VWDE: variants seen among roughly 807,000 people sequenced by gnomAD.
VWDE encodes the protein von Willebrand factor D and EGF domains, also known as von Willebrand factor D and EGF domain-containing protein.
In VWDE, 207 loss-of-function variants were observed where a neutral mutation model predicts 178.4. That is an observed-to-expected ratio of 1.16 (90% CI 1.04 to 1.30). The LOEUF (loss-of-function observed/expected upper bound fraction) is 1.30. Ranked by LOEUF, VWDE falls within the 50% of genes most tolerant of loss-of-function variation. The pLI is 0.00. For missense variants in VWDE, 2,287 were observed against 1,901.3 expected (o/e 1.20, Z -3.77); for synonymous variants, 738 against 651.4 (o/e 1.13, Z -2.02).
intron 1 of VWDE, among the ~76,000 whole-genome samples, chr7:12,402,662 T>C (rs1482513676): frequency 1.3e-5 from 2 of 149,868 alleles, no homozygotes; most frequent in Admixed American, 6.6e-5. Context: ...TTCATAAAGA[T>C]TTAGTAACGC....
At chr7:12,402,206 T>C (rs1284832193) in intron 1 of VWDE, among the ~76,000 whole-genome samples, 1 of 152,250 alleles carries the variant, frequency 6.6e-6, no homozygotes, top group Non-Finnish European at 1.5e-5. Flanking sequence ...TTCTGATTGA[T>C]AAATATGTTC....
intron 17 of VWDE, 101 bp downstream of exon 17, chr7:12,357,164 T>G (rs1782292599): frequency 7.2e-6 from 10 of 1,387,952 alleles, no homozygotes; most frequent in Non-Finnish European, 9.6e-6. Flanking sequence ...AATAACTTTG[T>G]TGCTCTTTAC....
intron 19 of VWDE, among the ~76,000 whole-genome samples, chr7:12,345,078 A>G (rs1163711437): frequency 1.3e-5 from 2 of 152,158 alleles, no homozygotes; most frequent in Non-Finnish European, 2.9e-5. Flanking sequence ...TGTGGATAAT[A>G]TGACACAGTT....
chr7:12,334,694 C>G (rs1468810559), intron 27 of VWDE, among the ~76,000 whole-genome samples: 1 of 152,208 alleles, frequency 6.6e-6, no homozygotes, highest in Non-Finnish European at 1.5e-5. Flanking sequence ...CATAAAAATG[C>G]TGCAGGATGC....
intron 21 of VWDE, among the ~76,000 whole-genome samples, chr7:12,343,717 A>G (rs1050590468): frequency 3.3e-5 from 5 of 152,186 alleles, no homozygotes; most frequent in African/African-American, 9.6e-5. Context: ...ATGCTATTTC[A>G]TAAATTTTCC....
Position 12,377,838 on chromosome 7 carries a change from G to C in VWDE, c.962C>G (p.Ser321Cys). Residue 321 changes from serine to cysteine, a missense_variant, in exon 7 of 29, where the codon TCT becomes TGT. By Grantham distance (112) the Ser-to-Cys change is moderately radical. Transcript: ENST00000275358. ...TTCTTGATCAAGCTCACTAAATTCA[G>C]AACAAATAATAGGAACTGTGCTTTC... ...RIESTVPIIC[S>C]EFSELDQECK... 2 of 1,530,582 alleles carry C rather than the reference G, an allele frequency of 1.3e-6. No homozygotes were observed. The highest frequency in any genetic ancestry group is 1.8e-6 in the Non-Finnish European group (2 of 1,136,548). 94.8% of individuals were successfully genotyped at this position (1,530,582 alleles called of 1,614,324 possible).
At chr7:12,359,728 T>G (rs1165902970) in intron 15 of VWDE, 36 bp from the exon 16 acceptor site, 1 of 1,318,304 alleles carries the variant, frequency 7.6e-7, no homozygotes, top group African/African-American at 1.5e-5. Flanking sequence ...AACATCAAAG[T>G]ACAGCGTGTA....
At position 12,375,012 on chromosome 7, in the gene VWDE, G is replaced by T; in HGVS notation, c.1240C>A (p.Gln414Lys). 6.4e-7 allele frequency: 1 copy of T among 1,550,628 alleles called. No homozygotes were observed. Among genetic ancestry groups the T allele is most frequent in the South Asian group, 1.2e-5 (1 of 84,008 alleles). Residue 414 changes from glutamine to lysine, a missense_variant and splice_region_variant, in exon 8 of 29, where the codon CAG becomes AAG. Gln to Lys is a moderately conservative substitution (Grantham distance 53). Transcript: ENST00000275358. ...TATTAGTGTTGTAATTTGTCAACCT[G>T]GATGCTGTCTGGAATGTAGTTGTTC... ...LWNNYIPDSIQIKVKDVPTAY... is the reference protein window; with the variant it reads ...LWNNYIPDSIKIKVKDVPTAY...
At chr7:12,338,268 T>G (rs1238367186) in intron 24 of VWDE, among the ~76,000 whole-genome samples, 2 of 151,802 alleles carry the variant, frequency 1.3e-5, no homozygotes, top group South Asian at 4.1e-4. Flanking sequence ...TAGGCTGAAG[T>G]TTTTTTTGGT....
In VWDE at chr7:12,356,341, A is replaced by G; in HGVS notation, c.3526-11T>C. The G allele has an allele frequency of 6.5e-7, 1 of 1,538,828 alleles. No individual in the cohort carries two copies. Among genetic ancestry groups the G allele is most frequent in the Non-Finnish European group, 8.8e-7 (1 of 1,140,744 alleles). ...AGACTTCACAGTCACCTACAAAACA[A>G]AAAAAAAGGAAATGTCTTATTTTTC... is the stretch of plus-strand genomic sequence containing the variant. On this transcript the variant is annotated splice_polypyrimidine_tract_variant and intron_variant, in intron 17 of 28. Transcript: ENST00000275358.
At chr7:12,397,817 CA>C (rs1031289131) in intron 1 of VWDE, among the ~76,000 whole-genome samples, 1 of 152,106 alleles carries the variant, frequency 6.6e-6, no homozygotes, top group African/African-American at 2.4e-5. Context: ...AAATGCTCAA[CA>C]TCACTAATCA....
At chr7:12,344,323 T>A (rs1388286617) in intron 20 of VWDE, 33 bp from the exon 21 acceptor site, 1 of 1,550,302 alleles carries the variant, frequency 6.5e-7, no homozygotes, top group East Asian at 2.4e-5. Context: ...TTTAGACATA[T>A]CAATTACCAA....
At chr7:12,356,820 G>A (rs888315235) in intron 17 of VWDE, among the ~76,000 whole-genome samples, 1 of 152,186 alleles carries the variant, frequency 6.6e-6, no homozygotes, top group Non-Finnish European at 1.5e-5. Flanking sequence ...GCTCATGACT[G>A]ACATAATCAA....
At chr7:12,380,315 C>A (rs1783773258) in intron 5 of VWDE, among the ~76,000 whole-genome samples, 171 bp downstream of exon 5, 1 of 151,156 alleles carries the variant, frequency 6.6e-6, no homozygotes, top group Non-Finnish European at 1.5e-5. Flanking sequence ...ATCACTGACT[C>A]CTCCAGTTAT....
chr7:12,382,604 C>A (rs1265231732), intron 4 of VWDE, among the ~76,000 whole-genome samples: 1 of 151,736 alleles, frequency 6.6e-6, no homozygotes, highest in East Asian at 1.9e-4. Context: ...TATGATCTAT[C>A]CTGATTTATT....
Position 12,369,677 on chromosome 7 carries a change from A to G in VWDE, c.2629T>C (p.Tyr877His), listed in dbSNP as rs1783056105. 6.4e-7 allele frequency: 1 copy of G among 1,551,348 alleles called. No homozygotes were observed. Among genetic ancestry groups the G allele is most frequent in the Non-Finnish European group, 8.7e-7 (1 of 1,146,850 alleles). ...AGAATGTCTTCAATTGATGTGCCAT[A>G]CTCTTCTGTGTTATATTTCCCCTCC... ...VEEGKYNTEE[Y>H]GTSIEDILSV... Residue 877 changes from tyrosine (Y) to histidine (H), a missense_variant, in exon 12 of 29, where the codon TAT becomes CAT. Transcript: ENST00000275358.
Position 12,361,250 on chromosome 7 carries a change from A to G in VWDE, c.3056T>C (p.Val1019Ala). The G allele has an allele frequency of 1.3e-6, 2 of 1,541,908 alleles. No homozygotes were observed. Among genetic ancestry groups the G allele is most frequent in the Non-Finnish European group, 1.8e-6 (2 of 1,139,856 alleles). ...ACTGAATTTATAACCATCATTAGAT[A>G]CCTGTAACATAATAGTTCTATAATA... Reference protein sequence around the residue: ...GKPTGKWQLKVSNDGYKFSNP... With the variant: ...GKPTGKWQLKASNDGYKFSNP... Residue 1019 changes from valine (V) to alanine (A), a missense_variant and splice_region_variant, in exon 15 of 29, where the codon GTA (valine) becomes GCA (alanine). Transcript: ENST00000275358.
chr7:12,332,969 C>G (rs76255484), intron 28 of VWDE, among the ~76,000 whole-genome samples: 1 of 125,784 alleles, frequency 8.0e-6, no homozygotes, highest in Non-Finnish European at 1.7e-5. Flanking sequence ...CTGCATTTGT[C>G]TGTATGTTTG....
At chr7:12,351,522 C>T (rs932918876) in intron 19 of VWDE, 51 bp downstream of exon 19, 15 of 1,488,944 alleles carry the variant, frequency 1.0e-5, no homozygotes, top group African/African-American at 2.9e-5. Context: ...TTCTAGAAAA[C>T]AAGTAAGAGG....
Sources: allele counts gnomAD v4.1 joint callset (sites outside exome capture counted in the v4.1 genomes callset), GRCh38; gene constraint gnomAD v4.1.1; transcripts MANE v1.5; gene names NCBI Gene and HGNC (gene_info 2026-07-23, HGNC 2026-07-21).